The following NBAS variants were observed in gnomAD, a reference collection of about 807,000 sequenced individuals.
NBAS encodes the protein NAG/BC035112 fusion.
A neutral mutation model predicts 302.5 loss-of-function variants in NBAS; 219 were observed. That is an observed-to-expected ratio of 0.72 (90% CI 0.65 to 0.81). NBAS has a LOEUF of 0.81. Ranked by LOEUF, NBAS falls within the 30% of genes least tolerant of loss-of-function variation. NBAS has a pLI of 0.00. For synonymous variants in NBAS, 1,118 were observed against 1,021.6 expected, an observed-to-expected ratio of 1.09 and a Z score of -1.80; for missense variants, 2,932 against 2,841.6, an observed-to-expected ratio of 1.03 and a Z score of -0.72.
intron 25 of NBAS, among the ~76,000 whole-genome samples, chr2:15,405,659 TAC>T (rs1357815268): frequency 1.3e-5 from 2 of 152,148 alleles, no homozygotes; most frequent in Admixed American, 1.3e-4. Context: ...ATGCACTATA[TAC>T]AACTAGAAAA....
At chr2:15,537,694 G>A (rs1295167677) in intron 7 of NBAS, among the ~76,000 whole-genome samples, 1 of 152,066 alleles carries the variant, frequency 6.6e-6, no homozygotes, top group Non-Finnish European at 1.5e-5. Flanking sequence ...CTGGGCAACA[G>A]CAAGACTCTA....
chr2:15,092,253 C>T, the NBAS span, among the ~76,000 whole-genome samples: 1 of 152,186 alleles, frequency 6.6e-6, no homozygotes, highest in African/African-American at 2.4e-5. Flanking sequence ...CCCATAGGAA[C>T]ACCCAGTTTC....
chr2:15,559,462 C>T (rs1197801595), intron 1 of NBAS, among the ~76,000 whole-genome samples: 1 of 152,182 alleles, frequency 6.6e-6, no homozygotes, highest in Non-Finnish European at 1.5e-5. Flanking sequence ...TGACGCTAGG[C>T]ACTGCATAAG....
Position 15,511,320 on chromosome 2 carries a change from A to G in NBAS, c.777T>C (p.Ala259=). The G allele has an allele frequency of 6.2e-7, 1 of 1,614,120 alleles. No homozygotes were observed. Among genetic ancestry groups the G allele is most frequent in the South Asian group, 1.1e-5 (1 of 91,082 alleles). ...TAGAAGCTTTTGACATGCCTACTTC[A>G]GCAGTTTCACATCCACCAACAAGTA... ...RLLLVGGCET[A]EVGMSKASSC... The change falls in exon 10 of 52, where the codon GCT becomes GCC. Residue 259 remains alanine, a synonymous_variant. Transcript: ENST00000281513.
chr2:15,171,044 C>A (rs1247773223), intron 51 of NBAS, among the ~76,000 whole-genome samples: 1 of 152,176 alleles, frequency 6.6e-6, no homozygotes, highest in Non-Finnish European at 1.5e-5. Context: ...AAAATTTGTA[C>A]TAAACATACT....
the NBAS span, among the ~76,000 whole-genome samples, chr2:14,790,505 G>A: frequency 6.6e-6 from 1 of 152,114 alleles, no homozygotes; most frequent in Admixed American, 6.5e-5. Flanking sequence ...AGTCCAAGTA[G>A]GGGAGGCAAT....
At chr2:15,400,409 T>G (rs562745728) in intron 26 of NBAS, among the ~76,000 whole-genome samples, 1 of 152,196 alleles carries the variant, frequency 6.6e-6, no homozygotes, top group Non-Finnish European at 1.5e-5. Flanking sequence ...TTCCGCAGTA[T>G]AAACAATATT....
At chr2:15,097,419 C>A in the NBAS span, among the ~76,000 whole-genome samples, 2 of 152,062 alleles carry the variant, frequency 1.3e-5, no homozygotes, top group Admixed American at 6.5e-5. Flanking sequence ...ACACAACAGG[C>A]GAACTTCTTC....
chr2:14,946,118 G>T, the NBAS span, among the ~76,000 whole-genome samples: 1 of 152,280 alleles, frequency 6.6e-6, no homozygotes, highest in East Asian at 1.9e-4. Context: ...AATTACTGGT[G>T]TTGAAGAGAG....
intron 6 of NBAS, among the ~76,000 whole-genome samples, chr2:15,551,071 T>C (rs569822443): frequency 1.4e-4 from 22 of 152,322 alleles, no homozygotes; most frequent in Non-Finnish European, 2.6e-4. Flanking sequence ...TTGCTCACAA[T>C]CATTCCTCAA....
At chr2:15,022,479 T>C in the NBAS span, among the ~76,000 whole-genome samples, 1 of 152,114 alleles carries the variant, frequency 6.6e-6, no homozygotes, top group Non-Finnish European at 1.5e-5. Context: ...TACTTAACCT[T>C]TTCAACTAGA....
chr2:15,386,648 C>T lies in NBAS; in HGVS notation c.3258-3331G>A, dbSNP rs536584502. 1.6e-4 allele frequency among the ~76,000 whole-genome samples: 25 copies of T among 152,266 alleles called. No individual in the cohort carries two copies. In the South Asian group the frequency reaches 5.0e-3, roughly 30 times the overall value. On this transcript the variant is annotated intron_variant, in intron 28 of 51. Transcript: ENST00000281513. The stretch of plus-strand genomic sequence containing the variant: ...ATCTTCATGTCCACCTTCATAGCAG[C>T]ATCTCCACCTACTGTCCGGCAAGCA...
chr2:15,334,923 C>A (rs887864669), intron 35 of NBAS, among the ~76,000 whole-genome samples: 2 of 152,160 alleles, frequency 1.3e-5, no homozygotes, highest in African/African-American at 2.4e-5. Flanking sequence ...CCTGCCAAAA[C>A]AAACACTATC....
At chr2:15,425,017 A>G (rs1677398693) in intron 22 of NBAS, among the ~76,000 whole-genome samples, 1 of 151,858 alleles carries the variant, frequency 6.6e-6, no homozygotes, top group Admixed American at 6.6e-5. Context: ...GCACAGGACT[A>G]CTCTATACCA....
chr2:15,091,238 C>T, the NBAS span, among the ~76,000 whole-genome samples: 3 of 152,126 alleles, frequency 2.0e-5, no homozygotes, highest in African/African-American at 7.2e-5. Context: ...AGCATGCATG[C>T]CTTGGGAGCT....
rs2148572110 is a variant in NBAS, at chr2:15,467,393, T to C, written c.2033A>G (p.Gln678Arg). ...LVNFSKLTLE[Q>R]KELCRCRRKL... ...CCGTCTACAACGGCAAAGTTCCTTT[T>C]GTTCCAGTGTCAACCTGTTTTGAAT... Residue 678 changes from glutamine to arginine, a missense_variant, in exon 19 of 52, where the codon CAA becomes CGA. By Grantham distance (43) the Gln-to-Arg change is conservative. Coordinates refer to ENST00000281513, the MANE Select transcript of NBAS (RefSeq NM_015909.4). 10 of 1,613,246 alleles carry C rather than the reference T, an allele frequency of 6.2e-6. No individual in the cohort carries two copies. The highest frequency in any genetic ancestry group is 4.5e-5 in the East Asian group (2 of 44,790).
At chr2:15,247,795 G>A (rs377100299) in intron 44 of NBAS, among the ~76,000 whole-genome samples, 13 of 149,306 alleles carry the variant, frequency 8.7e-5, no homozygotes, top group African/African-American at 2.5e-4. Context: ...ATGACAATAC[G>A]GGCTCATAAA....
In NBAS at chr2:15,352,018, G is replaced by T. The variant is rs764561682; in HGVS notation, c.4153C>A (p.Pro1385Thr). 4.0e-5 allele frequency: 64 copies of T among 1,611,666 alleles called. No individual in the cohort carries two copies. The highest frequency in any genetic ancestry group is 4.2e-6 in the Non-Finnish European group (5 of 1,178,096). Residue 1385 changes from proline to threonine, a missense_variant, in exon 35 of 52, where the codon CCA becomes ACA. By Grantham distance (38) the Pro-to-Thr change is conservative. Transcript: ENST00000281513. The stretch of plus-strand genomic sequence containing the variant: ...TCTTGTACTGCTTTACTAGTTAATG[G>T]TGAAGCACTGATATTTTCCCCTCCT... ...HEGGENISAS[P>T]LTSKAVQEDE...
intron 9 of NBAS, among the ~76,000 whole-genome samples, chr2:15,515,571 C>G (rs1306225436): frequency 2.0e-5 from 3 of 152,140 alleles, no homozygotes; most frequent in African/African-American, 7.2e-5. Flanking sequence ...TTCAAGACTC[C>G]ATTACTTTAT....
Sources: allele counts gnomAD v4.1 joint callset (sites outside exome capture counted in the v4.1 genomes callset), GRCh38; gene constraint gnomAD v4.1.1; transcripts MANE v1.5; gene names NCBI Gene and HGNC (gene_info 2026-07-23, HGNC 2026-07-21).